The following TECPR2 variants were observed in gnomAD, a reference collection of about 807,000 sequenced individuals.
TECPR2 encodes tectonin beta-propeller repeat containing 2.
Under a neutral mutation model 138.1 loss-of-function variants are expected in TECPR2, and 65 were observed. The observed-to-expected ratio is 0.47, with a 90% CI of 0.39 to 0.58. The LOEUF (loss-of-function observed/expected upper bound fraction) is 0.58. TECPR2 is among the 20% of genes least tolerant of loss of function. The pLI, the probability that TECPR2 is intolerant of heterozygous loss-of-function variation, is 0.00. For missense variants in TECPR2, 1,553 were observed against 1,824.5 expected, an observed-to-expected ratio of 0.85 and a Z score of 2.71; for synonymous variants, 746 against 749.8, an observed-to-expected ratio of 0.99 and a Z score of 0.08.
At chr14:102,370,709 C>T (rs1887482096) in intron 1 of TECPR2, among the ~76,000 whole-genome samples, 2 of 152,170 alleles carry the variant, frequency 1.3e-5, no homozygotes. Flanking sequence ...ATCAGCTTTG[C>T]ACATCAGGAA....
intron 7 of TECPR2, among the ~76,000 whole-genome samples, chr14:102,431,584 C>T (rs532553698): frequency 2.9e-4 from 44 of 152,216 alleles, no homozygotes; most frequent in Middle Eastern, 3.4e-3. Flanking sequence ...CCTTGTGATC[C>T]GCCCGCCTTG....
At chr14:102,398,032 C>T (rs1359558654) in intron 2 of TECPR2, among the ~76,000 whole-genome samples, 2 of 139,348 alleles carry the variant, frequency 1.4e-5, no homozygotes, top group Non-Finnish European at 1.5e-5. Context: ...AAGATCGTGC[C>T]ACTGCACTCC....
At chr14:102,451,089 AC>A (rs1461166037) in intron 15 of TECPR2, among the ~76,000 whole-genome samples, 1 of 152,228 alleles carries the variant, frequency 6.6e-6, no homozygotes, top group African/African-American at 2.4e-5. Context: ...CATTAGGCAG[AC>A]CTGCCCTGCA....
intron 1 of TECPR2, among the ~76,000 whole-genome samples, chr14:102,367,083 C>T (rs1045787966): frequency 4.6e-5 from 7 of 152,032 alleles, no homozygotes; most frequent in Non-Finnish European, 7.4e-5. Context: ...CAAGTGGAGA[C>T]GGGTAGAGAG....
intron 2 of TECPR2, among the ~76,000 whole-genome samples, chr14:102,398,919 C>T (rs1404921464): frequency 6.6e-6 from 1 of 151,930 alleles, no homozygotes; most frequent in Non-Finnish European, 1.5e-5. Flanking sequence ...AGAAATGCCT[C>T]CTCATATACA....
chr14:102,459,158 T>A (rs1171387121), intron 16 of TECPR2, among the ~76,000 whole-genome samples: 1 of 152,054 alleles, frequency 6.6e-6, no homozygotes, highest in African/African-American at 2.4e-5. Flanking sequence ...CTCAAACTCC[T>A]GGGCTCCAGT....
intron 17 of TECPR2, among the ~76,000 whole-genome samples, chr14:102,486,741 C>T (rs1891036038): frequency 6.6e-6 from 1 of 152,218 alleles, no homozygotes; most frequent in African/African-American, 2.4e-5. Flanking sequence ...TCCCCGGCTC[C>T]TCCAGCTAAG....
intron 17 of TECPR2, among the ~76,000 whole-genome samples, chr14:102,485,941 G>A (rs1891018121): frequency 1.3e-5 from 2 of 152,200 alleles, no homozygotes; most frequent in African/African-American, 4.8e-5. Flanking sequence ...TCGTTGGGCT[G>A]GTATCAGTGA....
At chr14:102,469,140 C>T (rs1190676835) in intron 17 of TECPR2, among the ~76,000 whole-genome samples, 2 of 152,092 alleles carry the variant, frequency 1.3e-5, no homozygotes, top group African/African-American at 4.8e-5. Flanking sequence ...AAAAAAAATA[C>T]TAACTGGAAT....
intron 2 of TECPR2, among the ~76,000 whole-genome samples, chr14:102,398,779 T>G (rs1888387821): frequency 6.6e-6 from 1 of 152,092 alleles, no homozygotes; most frequent in Non-Finnish European, 1.5e-5. Context: ...TGCTTGAGCC[T>G]GGAAGGTCGA....
intron 16 of TECPR2, among the ~76,000 whole-genome samples, chr14:102,462,065 G>A (rs532243799): frequency 6.6e-6 from 1 of 152,288 alleles, no homozygotes; most frequent in East Asian, 1.9e-4. Context: ...TTTTATATGT[G>A]TTCTGAAAGG....
chr14:102,376,710 G>A lies in TECPR2; in HGVS notation c.-12G>A. On this transcript the variant is annotated 5_prime_UTR_variant, in exon 2 of 20. Transcript: ENST00000359520. ...TTTTCCTGCGTGAAGATAGTCTGTG[G>A]AAACCTTGGCCATGGCATCGATATC... The A allele has an allele frequency of 3.1e-6, 5 of 1,613,478 alleles. No individual in the cohort carries two copies. The highest frequency in any genetic ancestry group is 4.2e-6 in the Non-Finnish European group (5 of 1,179,414).
chr14:102,445,840 C>G lies in TECPR2; in HGVS notation c.2968C>G (p.Leu990Val), dbSNP rs1234307470. 6.2e-7 allele frequency: 1 copy of G among 1,613,936 alleles called. No individual in the cohort carries two copies. The highest frequency in any genetic ancestry group is 1.1e-5 in the South Asian group (1 of 91,066). The part of the protein sequence containing the change: ...RQALEPVCIT[L>V]GDQQTLWALD... ...AGCTTTAGAACCCGTCTGCATAACG[C>G]TCGGGGATCAGCAGACTCTCTGGGC... The change falls in exon 13 of 20, where the codon CTC (leucine) becomes GTC (valine). Residue 990 changes from leucine to valine, a missense_variant. Transcript: ENST00000359520.
Position 102,431,887 on chromosome 14 carries a change from G to A in TECPR2, c.1176G>A (p.Arg392=), listed in dbSNP as rs771574785. The A allele has an allele frequency of 6.2e-7, 1 of 1,608,608 alleles. No homozygotes were observed. Among genetic ancestry groups the A allele is most frequent in the Non-Finnish European group, 8.5e-7 (1 of 1,175,506 alleles). ...CAGGGGCCACAGTTTCTGAGACGAG[G>A]CTCAGAGGCTCTTCCATGGCCAGCT... ...KLPGATVSET[R]LRGSSMASSV... is the part of the protein sequence containing the mutation. Residue 392 remains arginine, a synonymous_variant, in exon 8 of 20, where the codon AGG becomes AGA. Coordinates refer to ENST00000359520, the MANE Select transcript of TECPR2 (RefSeq NM_014844.5).
chr14:102,496,618 G>A (rs879607940), intron 17 of TECPR2, among the ~76,000 whole-genome samples: 3 of 152,196 alleles, frequency 2.0e-5, no homozygotes, highest in Non-Finnish European at 4.4e-5. Flanking sequence ...TCCTGGGCTG[G>A]CGTTTTTGTT....
chr14:102,383,395 T>A (rs185988339), intron 2 of TECPR2, among the ~76,000 whole-genome samples: 345 of 152,048 alleles, frequency 2.3e-3, no homozygotes, highest in African/African-American at 7.7e-3. Context: ...ACCATTGTAT[T>A]GTCTTTTTTG....
intron 2 of TECPR2, among the ~76,000 whole-genome samples, chr14:102,387,350 T>G (rs1006636829): frequency 6.6e-6 from 1 of 152,168 alleles, no homozygotes; most frequent in African/African-American, 2.4e-5. Context: ...AAGGAGCTAA[T>G]AACAAGTACA....
At chr14:102,364,607 A>G (rs1033331581) in intron 1 of TECPR2, among the ~76,000 whole-genome samples, 2 of 152,238 alleles carry the variant, frequency 1.3e-5, no homozygotes, top group African/African-American at 4.8e-5. Context: ...TGAAGGAGTG[A>G]CTAGGAAGTA....
chr14:102,367,890 CTTG>C (rs1290704969), intron 1 of TECPR2, among the ~76,000 whole-genome samples: 1 of 150,380 alleles, frequency 6.6e-6, no homozygotes, highest in African/African-American at 2.5e-5. Context: ...CTTGCTAACA[CTTG>C]TTCATACCCT....
Sources: allele counts gnomAD v4.1 joint callset (sites outside exome capture counted in the v4.1 genomes callset), GRCh38; gene constraint gnomAD v4.1.1; transcripts MANE v1.5; gene names NCBI Gene and HGNC (gene_info 2026-07-23, HGNC 2026-07-21).